ADCY2: variants seen among roughly 807,000 people sequenced by gnomAD.
ADCY2 encodes the protein adenylate cyclase type 2.
A neutral mutation model predicts 125.2 loss-of-function variants in ADCY2; 31 were observed. That is an observed-to-expected ratio of 0.25 (90% confidence interval 0.19 to 0.33). The LOEUF (loss-of-function observed/expected upper bound fraction) is 0.33, where lower values mean the gene tolerates loss of function less well. Ranked by LOEUF, ADCY2 falls within the 10% of genes least tolerant of loss-of-function variation. The pLI, the probability that ADCY2 is intolerant of heterozygous loss-of-function variation, is 1.00. For synonymous variants in ADCY2, 512 were observed against 548.4 expected (o/e 0.93, Z 0.93); for missense variants, 904 against 1,418.2 (o/e 0.64, Z 5.82).
chr5:7,699,936 T>C (rs527682246), intron 7 of ADCY2, among the ~76,000 whole-genome samples: 7 of 152,186 alleles, frequency 4.6e-5, no homozygotes, highest in Admixed American at 4.6e-4. Context: ...GAGTTGGAAA[T>C]CTATAGGAAG....
chr5:7,458,753 T>C (rs1028643872), intron 2 of ADCY2, among the ~76,000 whole-genome samples: 1 of 152,170 alleles, frequency 6.6e-6, no homozygotes, highest in Admixed American at 6.5e-5. Flanking sequence ...TGGCAAAGAC[T>C]GTTTACCTAA....
chr5:7,456,057 T>C (rs1741657219), intron 2 of ADCY2, among the ~76,000 whole-genome samples: 1 of 151,562 alleles, frequency 6.6e-6, no homozygotes, highest in Non-Finnish European at 1.5e-5. Flanking sequence ...TATTTTATAG[T>C]GTCTGTAGGA....
intron 2 of ADCY2, among the ~76,000 whole-genome samples, chr5:7,510,112 T>C (rs1306306327): frequency 6.6e-6 from 1 of 152,240 alleles, no homozygotes; most frequent in Non-Finnish European, 1.5e-5. Context: ...GATGTGGTCC[T>C]TTTTCTTATT....
At chr5:7,642,831 A>G (rs2388914) in intron 4 of ADCY2, among the ~76,000 whole-genome samples, 22,502 of 152,050 alleles carry the variant, frequency 0.15, 2,069 homozygotes, top group East Asian at 0.44. Context: ...ATTCCAACAA[A>G]GAATTTCATA....
chr5:7,589,530 G>GAAAGAAAAGA (rs1736779459), intron 3 of ADCY2, among the ~76,000 whole-genome samples: 1 of 130,994 alleles, frequency 7.6e-6, no homozygotes, highest in East Asian at 2.4e-4. Context: ...GAAAGAGAAA[G>GAAAGAAAAGA]AAAGAAAGGA....
intron 4 of ADCY2, among the ~76,000 whole-genome samples, chr5:7,638,632 TGCCAGTCCAGGATCAC>T (rs1333983307): frequency 1.3e-5 from 2 of 152,218 alleles, no homozygotes; most frequent in African/African-American, 4.8e-5. Context: ...CCTGTGACTC[TGCCAGTCCAGGATCAC>T]TGGAATGCAG....
At chr5:7,622,155 C>G (rs1284415438) in intron 3 of ADCY2, among the ~76,000 whole-genome samples, 2 of 152,160 alleles carry the variant, frequency 1.3e-5, no homozygotes, top group Non-Finnish European at 2.9e-5. Context: ...TTCTGCTTAA[C>G]AGTCTTCTGG....
intron 16 of ADCY2, among the ~76,000 whole-genome samples, chr5:7,764,016 A>T (rs950622270): frequency 2.6e-4 from 39 of 152,190 alleles, no homozygotes; most frequent in African/African-American, 9.4e-4. Context: ...CCCTTACAAA[A>T]GCCAGGGTCA....
intron 3 of ADCY2, among the ~76,000 whole-genome samples, chr5:7,593,012 A>G (rs1348298556): frequency 6.6e-6 from 1 of 152,204 alleles, no homozygotes; most frequent in African/African-American, 2.4e-5. Context: ...CACGTTTTAT[A>G]GGTAGATATT....
At chr5:7,490,986 A>G (rs1370750591) in intron 2 of ADCY2, among the ~76,000 whole-genome samples, 3 of 152,214 alleles carry the variant, frequency 2.0e-5, no homozygotes, top group Non-Finnish European at 4.4e-5. Context: ...ATGCTATTGC[A>G]TTAAAAAATA....
intron 2 of ADCY2, among the ~76,000 whole-genome samples, chr5:7,489,942 G>T (rs1473702133): frequency 3.9e-5 from 6 of 152,130 alleles, no homozygotes; most frequent in Non-Finnish European, 8.8e-5. Flanking sequence ...TTCAGCATTA[G>T]AATTCTATCC....
At chr5:7,826,576 C>A in intron 24 of ADCY2, 143 bp from the exon 25 acceptor site, 1 of 1,057,604 alleles carries the variant, frequency 9.5e-7, no homozygotes, top group Non-Finnish European at 1.5e-6. Flanking sequence ...TTGTGGATTA[C>A]TCTCACTTTT....
At chr5:7,749,796 G>A (rs1184848843) in intron 15 of ADCY2, 3 of 152,178 alleles carry the variant, frequency 2.0e-5, no homozygotes, top group African/African-American at 7.2e-5. Flanking sequence ...GTTCTTCCAG[G>A]CAGAGATAAA....
chr5:7,552,879 T>C (rs1474321207), intron 3 of ADCY2, among the ~76,000 whole-genome samples: 1 of 152,220 alleles, frequency 6.6e-6, no homozygotes, highest in Admixed American at 6.5e-5. Context: ...TTATTACTCT[T>C]TTTAAGTGGG....
At chr5:7,718,615 G>A (rs1741668426) in intron 12 of ADCY2, among the ~76,000 whole-genome samples, 1 of 152,074 alleles carries the variant, frequency 6.6e-6, no homozygotes, top group African/African-American at 2.4e-5. Context: ...TTGCCATTCG[G>A]ATGTGCTAGA....
At chr5:7,546,642 G>A (rs1035093604) in intron 3 of ADCY2, among the ~76,000 whole-genome samples, 15 of 152,226 alleles carry the variant, frequency 9.9e-5, no homozygotes, top group African/African-American at 3.1e-4. Flanking sequence ...CTTCCCTCAC[G>A]CCTTCACTTA....
At chr5:7,599,747 A>G (rs776071436) in intron 3 of ADCY2, among the ~76,000 whole-genome samples, 2 of 152,202 alleles carry the variant, frequency 1.3e-5, no homozygotes, top group Non-Finnish European at 2.9e-5. Flanking sequence ...GGAGCAGAAG[A>G]GTCGCAAGGA....
chr5:7,736,510 G>T (rs1451248128), intron 14 of ADCY2, among the ~76,000 whole-genome samples: 5 of 152,108 alleles, frequency 3.3e-5, no homozygotes, highest in Non-Finnish European at 5.9e-5. Context: ...GCTCTTAATA[G>T]ATTTTGACAT....
At chr5:7,804,031 G>C (rs1744681300) in intron 21 of ADCY2, among the ~76,000 whole-genome samples, 1 of 48,062 alleles carries the variant, frequency 2.1e-5, no homozygotes, top group South Asian at 5.2e-4. Context: ...GCCTCCCATG[G>C]AGGGGGGAAA....
Sources: gnomAD v4.1 joint callset for allele counts (sites outside exome capture counted in the v4.1 genomes callset) on GRCh38, gnomAD v4.1.1 for gene constraint, MANE v1.5 for transcripts, NCBI Gene and HGNC (gene_info 2026-07-23, HGNC 2026-07-21) for gene names.